ZNF385B: variants seen among roughly 807,000 people sequenced by gnomAD.
ZNF385B encodes the protein zinc finger protein 385B.
A neutral mutation model predicts 39.2 loss-of-function variants in ZNF385B; 23 were observed. The ratio of observed to expected loss-of-function variants is 0.59; its 90% CI spans 0.42 to 0.83. The LOEUF (loss-of-function observed/expected upper bound fraction) is 0.83, where lower values mean the gene tolerates loss of function less well. ZNF385B is among the 40% of genes least tolerant of loss of function. The pLI is 0.00. For missense variants in ZNF385B, 552 were observed against 598.9 expected (o/e 0.92, Z 0.82); for synonymous variants, 205 against 222.6 (o/e 0.92, Z 0.70).
chr2:179,548,696 G>C (rs2060383116), intron 3 of ZNF385B, among the ~76,000 whole-genome samples: 1 of 149,286 alleles, frequency 6.7e-6, no homozygotes, highest in Non-Finnish European at 1.5e-5. Flanking sequence ...AGGCAAGAGA[G>C]TGTGTGCAGG....
intron 3 of ZNF385B, among the ~76,000 whole-genome samples, chr2:179,657,012 C>T (rs78589408): frequency 0.013 from 2,021 of 152,160 alleles, 23 homozygotes; most frequent in Non-Finnish European, 0.022. Flanking sequence ...CCACAACAAG[C>T]CATTTGTATC....
At chr2:179,628,714 G>A (rs982714689) in intron 3 of ZNF385B, among the ~76,000 whole-genome samples, 2 of 152,160 alleles carry the variant, frequency 1.3e-5, no homozygotes, top group Non-Finnish European at 2.9e-5. Flanking sequence ...TTCATTAGTT[G>A]AGAAACCGTG....
chr2:179,675,508 A>G (rs2106313360), intron 3 of ZNF385B, among the ~76,000 whole-genome samples: 1 of 152,336 alleles, frequency 6.6e-6, no homozygotes, highest in East Asian at 1.9e-4. Flanking sequence ...AATTACCAGT[A>G]CCTTGTCAAT....
At chr2:179,502,824 T>A (rs1559356430) in intron 5 of ZNF385B, among the ~76,000 whole-genome samples, 1 of 152,170 alleles carries the variant, frequency 6.6e-6, no homozygotes, top group East Asian at 1.9e-4. Flanking sequence ...TCCAATAGAT[T>A]TTACCTCCTA....
At chr2:179,483,515 T>C in intron 5 of ZNF385B, 81 bp from the exon 6 acceptor site, 4 of 1,574,032 alleles carry the variant, frequency 2.5e-6, no homozygotes, top group Non-Finnish European at 3.5e-6. Flanking sequence ...GAAAAATACA[T>C]TCTATCATAG....
rs373194547 is a variant in ZNF385B, at chr2:179,827,830, G to T, written c.-155+33271C>A. Among the ~76,000 whole-genome samples the T allele has an allele frequency of 5.9e-5, 9 of 152,260 alleles. No homozygotes were observed. The East Asian group carries it at 1.7e-3, about 29-fold the overall frequency. ...ATGTAGCTAGCATCAAGATCGACAA[G>T]ATTACCAAAACCCCAGATGCCTTCT... is the stretch of plus-strand genomic sequence containing the variant. On this transcript the variant is annotated intron_variant, in intron 1 of 9. Transcript: ENST00000410066.
intron 3 of ZNF385B, among the ~76,000 whole-genome samples, chr2:179,679,521 C>G (rs1697310308): frequency 1.3e-5 from 2 of 152,168 alleles, no homozygotes; most frequent in Non-Finnish European, 2.9e-5. Context: ...GGATCTTGGA[C>G]TAAATGGTAA....
At chr2:179,595,168 G>C (rs538825402) in intron 3 of ZNF385B, among the ~76,000 whole-genome samples, 1 of 152,072 alleles carries the variant, frequency 6.6e-6, no homozygotes, top group Non-Finnish European at 1.5e-5. Flanking sequence ...ATGAAGATCT[G>C]AAACTAGGAA....
chr2:179,585,860 T>C (rs1416545879), intron 3 of ZNF385B: 1 of 152,312 alleles, frequency 6.6e-6, no homozygotes, highest in Non-Finnish European at 1.5e-5. Flanking sequence ...AATGGTTTCC[T>C]TGCTCACCTT....
At chr2:179,475,492 C>A (rs935754596) in intron 6 of ZNF385B, among the ~76,000 whole-genome samples, 21 of 151,758 alleles carry the variant, frequency 1.4e-4, no homozygotes, top group African/African-American at 5.1e-4. Context: ...CCTTGTGATC[C>A]ATCCGCCTCA....
chr2:179,790,286 C>A (rs923174385), intron 1 of ZNF385B, among the ~76,000 whole-genome samples: 1 of 152,310 alleles, frequency 6.6e-6, no homozygotes, highest in Middle Eastern at 3.4e-3. Context: ...CCCTGCACTA[C>A]CACTCAAGCT....
At chr2:179,665,966 T>C (rs1695098124) in intron 3 of ZNF385B, among the ~76,000 whole-genome samples, 2 of 152,198 alleles carry the variant, frequency 1.3e-5, no homozygotes, top group Non-Finnish European at 2.9e-5. Context: ...ATGTGAGTGA[T>C]TGCCAGCTGG....
At chr2:179,633,580 A>C (rs1211870110) in intron 3 of ZNF385B, among the ~76,000 whole-genome samples, 2 of 152,156 alleles carry the variant, frequency 1.3e-5, no homozygotes, top group African/African-American at 4.8e-5. Context: ...TTTATGACAA[A>C]CCCACAGCCA....
At position 179,702,428 on chromosome 2, in the gene ZNF385B, G is replaced by A. The variant is rs115245451; in HGVS notation, c.298+67075C>T. On this transcript the variant is annotated intron_variant, in intron 3 of 9. Transcript: ENST00000410066. ...CTAGAAAATTTGTGAGTAAAAGGCA[G>A]GCTTGCTTTATCAATAAATTCATTT... Among the ~76,000 whole-genome samples, 750 of 152,226 alleles carry A rather than the reference G, an allele frequency of 4.9e-3. 7 individuals carry two copies. Among genetic ancestry groups the A allele is most frequent in the African/African-American group, 0.017 (690 of 41,536 alleles).
intron 6 of ZNF385B, among the ~76,000 whole-genome samples, chr2:179,474,070 T>C (rs1307171618): frequency 2.0e-5 from 3 of 151,990 alleles, no homozygotes; most frequent in Admixed American, 6.6e-5. Flanking sequence ...CATACCTTCA[T>C]TAATATAGCT....
intron 1 of ZNF385B, among the ~76,000 whole-genome samples, chr2:179,837,608 G>T (rs992709522): frequency 6.6e-6 from 1 of 152,140 alleles, no homozygotes; most frequent in African/African-American, 2.4e-5. Flanking sequence ...GACTCACCGT[G>T]GTTTTCCCTC....
chr2:179,444,790 A>G, intron 9 of ZNF385B, 86 bp downstream of exon 9: 1 of 1,113,118 alleles, frequency 9.0e-7, no homozygotes, highest in Admixed American at 1.7e-5. Context: ...TCATGACATT[A>G]GACTCTATGC....
chr2:179,844,622 A>G (rs1000524804), intron 1 of ZNF385B, among the ~76,000 whole-genome samples: 1 of 152,216 alleles, frequency 6.6e-6, no homozygotes, highest in Non-Finnish European at 1.5e-5. Flanking sequence ...AAACATCATA[A>G]TTGTTCAGCC....
chr2:179,608,038 C>T (rs911197862), intron 3 of ZNF385B, among the ~76,000 whole-genome samples: 1 of 151,280 alleles, frequency 6.6e-6, no homozygotes, highest in African/African-American at 2.4e-5. Context: ...CCTCAGTCTC[C>T]GAGTAGCTGG....
Sources: allele counts gnomAD v4.1 joint callset (sites outside exome capture counted in the v4.1 genomes callset), GRCh38; gene constraint gnomAD v4.1.1; transcripts MANE v1.5; gene names NCBI Gene and HGNC (gene_info 2026-07-23, HGNC 2026-07-21).